Variants in RBPJ observed in about 807,000 individuals in gnomAD.
RBPJ encodes the protein recombining binding protein suppressor of hairless.
RBPJ carries 9 observed loss-of-function variants against 67.8 expected under a neutral mutation model. That is an observed-to-expected ratio of 0.13 (90% CI 0.08 to 0.23). The LOEUF (loss-of-function observed/expected upper bound fraction) is 0.23. RBPJ is among the 10% of genes least tolerant of loss of function. The pLI is 1.00. For synonymous variants in RBPJ, 198 were observed against 203.3 expected, an observed-to-expected ratio of 0.97 and a Z score of 0.22; for missense variants, 305 against 595.6, an observed-to-expected ratio of 0.51 and a Z score of 5.08.
chr4:26,176,932 G>A (rs1716813259), intron 1 of RBPJ, among the ~76,000 whole-genome samples: 1 of 152,240 alleles, frequency 6.6e-6, no homozygotes, highest in Admixed American at 6.5e-5. Context: ...TGCAGAAGCT[G>A]CAGTCATAGG....
chr4:26,320,201 G>C (rs990207702), upstream of RBPJ, among the ~76,000 whole-genome samples: 1 of 152,236 alleles, frequency 6.6e-6, no homozygotes, highest in Non-Finnish European at 1.5e-5. Flanking sequence ...TCAATTCCAA[G>C]GCAGTTTTCC....
intron 1 of RBPJ, among the ~76,000 whole-genome samples, chr4:26,312,964 C>T (rs1417387733): frequency 6.6e-6 from 1 of 152,156 alleles, no homozygotes; most frequent in African/African-American, 2.4e-5. Flanking sequence ...TCTGTCTCGC[C>T]CAGGCTGGAG....
intron 1 of RBPJ, among the ~76,000 whole-genome samples, chr4:26,253,299 T>G (rs1156904285): frequency 6.7e-6 from 1 of 150,192 alleles, no homozygotes; most frequent in Non-Finnish European, 1.5e-5. Flanking sequence ...TATCTTAATC[T>G]GCTATTTCTT....
At chr4:26,223,079 C>G (rs538405137) in intron 1 of RBPJ, among the ~76,000 whole-genome samples, 1 of 149,070 alleles carries the variant, frequency 6.7e-6, no homozygotes, top group Non-Finnish European at 1.5e-5. Flanking sequence ...CGTGTGAACC[C>G]GGGAGGCAGA....
At chr4:26,210,752 C>CTTCTTTCTTTCT (rs762128862) in intron 1 of RBPJ, among the ~76,000 whole-genome samples, 4,089 of 47,080 alleles carry the variant, frequency 0.087, 313 homozygotes, top group East Asian at 0.12. Context: ...TCCTTCTTTC[C>CTTCTTTCTTTCT]TTCTTTCTTT....
rs529972625 is a variant in RBPJ at position 26,394,302 on chromosome 4, C to T, written c.59+7911C>T. ...TTGGCCTCCCAAAATGCTGGGATTA[C>T]AGGCGTGAGCCACCACGCCCAGCCT... is the stretch of plus-strand genomic sequence containing the variant. On this transcript the variant is annotated intron_variant, in intron 2 of 10. Coordinates refer to ENST00000355476, the MANE Select transcript of RBPJ (RefSeq NM_015874.6). 5.3e-4 allele frequency among the ~76,000 whole-genome samples: 80 copies of T among 152,246 alleles called. 1 individual carries two copies. Among genetic ancestry groups the T allele is most frequent in the South Asian group, 3.5e-3 (17 of 4,824 alleles).
chr4:26,316,436 C>CAT (rs1289979719), upstream of RBPJ, among the ~76,000 whole-genome samples: 89 of 139,284 alleles, frequency 6.4e-4, 2 homozygotes, highest in African/African-American at 2.4e-3. Context: ...TTCATATATA[C>CAT]ATTCATATAC....
At chr4:26,211,115 C>G (rs1718407598) in intron 1 of RBPJ, among the ~76,000 whole-genome samples, 1 of 152,008 alleles carries the variant, frequency 6.6e-6, no homozygotes, top group Admixed American at 6.6e-5. Context: ...TTACTTTGAT[C>G]CATGGAAATA....
At chr4:26,276,229 T>A (rs573222751) in intron 1 of RBPJ, among the ~76,000 whole-genome samples, 173 of 148,064 alleles carry the variant, frequency 1.2e-3, no homozygotes, top group African/African-American at 4.0e-3. Flanking sequence ...GGGCCAAGAT[T>A]GTGCATGCAA....
the RBPJ span, among the ~76,000 whole-genome samples, chr4:26,136,356 A>T: frequency 6.6e-6 from 1 of 152,144 alleles, no homozygotes; most frequent in Non-Finnish European, 1.5e-5. Context: ...CACACCCCCA[A>T]TGCTGAACCT....
intron 1 of RBPJ, among the ~76,000 whole-genome samples, chr4:26,367,136 T>C (rs575926965): frequency 3.3e-4 from 49 of 150,048 alleles, no homozygotes; most frequent in African/African-American, 1.2e-3. Flanking sequence ...AAAAAATAAA[T>C]TAATTAATAA....
At chr4:26,206,005 T>A (rs977634311) in intron 1 of RBPJ, among the ~76,000 whole-genome samples, 6 of 150,280 alleles carry the variant, frequency 4.0e-5, no homozygotes, top group African/African-American at 9.8e-5. Context: ...GTATTTTTTT[T>A]ATAAATTACA....
At chr4:26,265,776 C>G (rs187853278) in intron 1 of RBPJ, among the ~76,000 whole-genome samples, 9 of 152,090 alleles carry the variant, frequency 5.9e-5, no homozygotes, top group African/African-American at 2.2e-4. Flanking sequence ...CGGTGGCTCA[C>G]GCTTATAATC....
intron 1 of RBPJ, among the ~76,000 whole-genome samples, chr4:26,297,615 G>C (rs1560250042): frequency 6.6e-6 from 1 of 151,778 alleles, no homozygotes; most frequent in Non-Finnish European, 1.5e-5. Context: ...AAAACAGCTG[G>C]TCAGACACCC....
chr4:26,165,284 C>A (rs1340395722), intron 1 of RBPJ, among the ~76,000 whole-genome samples: 1 of 152,176 alleles, frequency 6.6e-6, no homozygotes, highest in African/African-American at 2.4e-5. Flanking sequence ...TTTTCTAAAG[C>A]AAAATATGCT....
chr4:26,375,800 G>T (rs115824216), intron 1 of RBPJ, among the ~76,000 whole-genome samples: 3,634 of 152,252 alleles, frequency 0.024, 125 homozygotes, highest in African/African-American at 0.072. Context: ...CAGGGGAAAG[G>T]GATGCTTGCT....
chr4:26,122,929 G>A, the RBPJ span, among the ~76,000 whole-genome samples: 984 of 152,232 alleles, frequency 6.5e-3, 19 homozygotes, highest in East Asian at 0.046. Flanking sequence ...ATAGTCGGCC[G>A]ACCCTCCTCA....
the RBPJ span, among the ~76,000 whole-genome samples, chr4:26,146,836 C>A: frequency 6.6e-6 from 1 of 152,174 alleles, no homozygotes; most frequent in Admixed American, 6.5e-5. Flanking sequence ...GCAATCTGAG[C>A]TCTGAATGAA....
chr4:26,244,233 G>A (rs1464461131), intron 1 of RBPJ, among the ~76,000 whole-genome samples: 2 of 107,352 alleles, frequency 1.9e-5, no homozygotes, highest in Non-Finnish European at 4.0e-5. Context: ...ACACATATAT[G>A]TGTCTATATA....
Sources: gnomAD v4.1 joint callset for allele counts (sites outside exome capture counted in the v4.1 genomes callset) on GRCh38, gnomAD v4.1.1 for gene constraint, MANE v1.5 for transcripts, NCBI Gene and HGNC (gene_info 2026-07-23, HGNC 2026-07-21) for gene names.